The following NRK variants were observed in gnomAD, a reference collection of about 807,000 sequenced individuals.
NRK encodes the protein nik-related protein kinase.
Under a neutral mutation model 125.2 loss-of-function variants are expected in NRK, and 67 were observed. The ratio of observed to expected loss-of-function variants is 0.54; its 90% CI spans 0.44 to 0.66. The LOEUF is 0.66. Among genes scored for constraint, NRK ranks in the 30% least tolerant of loss-of-function variants. The pLI, the probability that NRK is intolerant of heterozygous loss-of-function variation, is 0.00. For missense variants in NRK, 1,224 were observed against 1,192.9 expected (o/e 1.03, Z -0.38); for synonymous variants, 458 against 429.0 (o/e 1.07, Z -0.84).
intron 2 of NRK, among the ~76,000 whole-genome samples, chrX:105,859,415 C>T (rs980278399): frequency 9.0e-6 from 1 of 111,651 alleles, no homozygotes; most frequent in East Asian, 2.8e-4. Context: ...CTGCAAGGAG[C>T]ATCAATAAAT....
At chrX:105,835,213 T>C (rs2039246955) in intron 2 of NRK, among the ~76,000 whole-genome samples, 1 of 111,605 alleles carries the variant, frequency 9.0e-6, no homozygotes, top group Non-Finnish European at 1.9e-5. Context: ...TAAACTACAT[T>C]TGAGTTATGT....
At chrX:105,861,663 T>G (rs962045740) in intron 2 of NRK, among the ~76,000 whole-genome samples, 3 of 112,395 alleles carry the variant, frequency 2.7e-5, no homozygotes, top group African/African-American at 9.7e-5. Flanking sequence ...TGTTAAAGAT[T>G]AATTGCCCAT....
chrX:105,886,846 T>G (rs1256730392), intron 4 of NRK, among the ~76,000 whole-genome samples: 2 of 110,996 alleles, frequency 1.8e-5, no homozygotes, highest in African/African-American at 6.5e-5. Context: ...CTTTAAAATG[T>G]AAAGGATTAC....
intron 21 of NRK, among the ~76,000 whole-genome samples, chrX:105,936,025 CTT>C (rs2147784378): frequency 9.1e-6 from 1 of 109,506 alleles, no homozygotes; most frequent in South Asian, 3.9e-4. Flanking sequence ...TTTTAAAATC[CTT>C]TTTTTCAGAA....
At chrX:105,839,353 A>G (rs1316440529) in intron 2 of NRK, among the ~76,000 whole-genome samples, 1 of 111,389 alleles carries the variant, frequency 9.0e-6, no homozygotes, top group Non-Finnish European at 1.9e-5. Context: ...ACATAGCACT[A>G]TGCATTTCAT....
chrX:105,920,231 C>G (rs766598664), intron 16 of NRK, among the ~76,000 whole-genome samples: 1,587 of 105,078 alleles, frequency 0.015, 38 homozygotes, highest in African/African-American at 0.054. Flanking sequence ...TCTGAGGGCT[C>G]TGTTCTGTTC....
In NRK at chrX:105,917,648, C is replaced by T. The variant is rs866832781; in HGVS notation, c.2488C>T (p.Arg830Cys). Residue 830 changes from arginine (R) to cysteine (C), a missense_variant, in exon 16 of 29, where the codon CGT becomes TGT. By Grantham distance (180) the Arg-to-Cys change is radical. Transcript: ENST00000243300. The stretch of plus-strand genomic sequence containing the variant: ...CATCAGACAAAGGAGTTCGCAAAAT[C>T]GTCAAAATTGGCTGGCAGCATCAGG... ...IDIRQRSSQN[R>C]QNWLAASESS... is the part of the protein sequence containing the mutation. 4 of 1,154,236 alleles carry T rather than the reference C, an allele frequency of 3.5e-6. No individual in the cohort carries two copies. Among genetic ancestry groups the T allele is most frequent in the African/African-American group, 1.8e-5 (1 of 55,577 alleles).
At position 105,909,700 on chromosome X, in the gene NRK, A is replaced by G. The variant is rs1054754678; in HGVS notation, c.2059A>G (p.Lys687Glu). 1.7e-6 allele frequency: 2 copies of G among 1,186,150 alleles called. No individual in the cohort carries two copies. Among genetic ancestry groups the G allele is most frequent in the Non-Finnish European group, 2.3e-6 (2 of 881,978 alleles). ...QPEQAREKKS[K>E]VSTLRQALAK... ...AGAACAGGCACGGGAGAAAAAATCAAAAGTTTCTACTCTGAGGCAAGCACT... is the reference window on the plus strand; with the variant it reads ...AGAACAGGCACGGGAGAAAAAATCAGAAGTTTCTACTCTGAGGCAAGCACT... Residue 687 changes from lysine (K) to glutamate (E), a missense_variant, in exon 13 of 29, where the codon AAA (lysine) becomes GAA (glutamate). Lys to Glu is a moderately conservative substitution (Grantham distance 56, BLOSUM62 1). Coordinates refer to ENST00000243300, the MANE Select transcript of NRK (RefSeq NM_198465.4).
rs774563061 is a variant in NRK at position 105,922,113 on chromosome X, A to G, written c.2610+52A>G. Reference sequence around the variant, plus strand: ...GTCTATTATTTTTTATTTTCCATTTATTTTGACTTACACATTCTCATATTC... The same window carrying G: ...GTCTATTATTTTTTATTTTCCATTTGTTTTGACTTACACATTCTCATATTC... On this transcript the variant is annotated intron_variant, in intron 17 of 28. Transcript: ENST00000243300. The G allele has an allele frequency of 5.8e-5, 35 of 603,637 alleles. No homozygotes were observed. In the South Asian group the frequency reaches 9.3e-4, roughly 16 times the overall value. The allele number at this position is 603,637 out of a possible 1,213,427, so 49.7% of individuals were successfully genotyped here.
At chrX:105,917,778 A>G in intron 16 of NRK, 106 bp downstream of exon 16, 4 of 433,586 alleles carry the variant, frequency 9.2e-6, no homozygotes, top group Non-Finnish European at 1.5e-5. Context: ...ATGAATCAAA[A>G]GTGTCAGGGA....
chrX:105,828,552 C>T (rs775129404), intron 1 of NRK, among the ~76,000 whole-genome samples: 11 of 111,937 alleles, frequency 9.8e-5, no homozygotes, highest in Admixed American at 1.9e-4. Flanking sequence ...GTATCTTTTC[C>T]AGCTAAAATG....
chrX:105,915,161 A>G (rs2040349698), intron 14 of NRK, among the ~76,000 whole-genome samples: 1 of 110,552 alleles, frequency 9.0e-6, no homozygotes, highest in African/African-American at 3.3e-5. Context: ...GTCAAATTGT[A>G]AAGCAGAAAA....
Position 105,906,420 on chromosome X carries a change from T to C in NRK, c.852T>C (p.Arg284=). ...TCTTTGACTCATTTTTTAGGTCCCG[T>C]AAGTTCCACAATTTCATGGAAAAGT... ...APTVKSSGWS[R]KFHNFMEKCT... Residue 284 remains arginine (R), a synonymous_variant, in exon 11 of 29, where the codon CGT becomes CGC. Coordinates refer to ENST00000243300, the MANE Select transcript of NRK (RefSeq NM_198465.4). 1 of 1,159,892 alleles carries C rather than the reference T, an allele frequency of 8.6e-7. No homozygotes were observed. The highest frequency in any genetic ancestry group is 1.2e-6 in the Non-Finnish European group (1 of 862,277).
At chrX:105,937,792 C>G (rs1228987894) in intron 22 of NRK, among the ~76,000 whole-genome samples, 1 of 111,569 alleles carries the variant, frequency 9.0e-6, no homozygotes, top group Non-Finnish European at 1.9e-5. Context: ...ACCTAGGTTA[C>G]TGATAAGAAA....
At chrX:105,919,824 T>G (rs1440532279) in intron 16 of NRK, among the ~76,000 whole-genome samples, 1 of 111,380 alleles carries the variant, frequency 9.0e-6, no homozygotes, top group Non-Finnish European at 1.9e-5. Context: ...TTGCGAAAAT[T>G]TTCTCCCATT....
intron 2 of NRK, among the ~76,000 whole-genome samples, chrX:105,835,628 CTT>C (rs111584644): frequency 2.2e-4 from 21 of 97,237 alleles, no homozygotes; most frequent in African/African-American, 2.6e-4. Flanking sequence ...AATTGGAGGA[CTT>C]TTTTTTTTTT....
chrX:105,898,573 A>AT lies in NRK; in HGVS notation c.581-6dup. On this transcript the variant is annotated splice_polypyrimidine_tract_variant and intron_variant, in intron 7 of 28. Transcript: ENST00000243300. Reference sequence around the variant, plus strand: ...TGATTGATTATTTTGACATATAATGATTTTTGGCAGTTGATTTTGGAGTGA... The same window carrying AT: ...TGATTGATTATTTTGACATATAATGATTTTTTGGCAGTTGATTTTGGAGTGA... 1 of 1,192,614 alleles carries AT rather than the reference A, an allele frequency of 8.4e-7. No individual in the cohort carries two copies. Among genetic ancestry groups the AT allele is most frequent in the South Asian group, 1.9e-5 (1 of 53,573 alleles).
chrX:105,884,833 G>T (rs906132336), intron 4 of NRK, among the ~76,000 whole-genome samples: 4 of 112,209 alleles, frequency 3.6e-5, no homozygotes, highest in African/African-American at 1.3e-4. Flanking sequence ...TTGAGACAAG[G>T]TCTCACTCTG....
At chrX:105,895,579 T>A in intron 7 of NRK, 56 bp downstream of exon 7, 9 of 770,455 alleles carry the variant, frequency 1.2e-5, no homozygotes, top group Non-Finnish European at 1.8e-5. Flanking sequence ...AGAAAGCTCC[T>A]TTAAGATAAC....
Sources: allele counts gnomAD v4.1 joint callset (sites outside exome capture counted in the v4.1 genomes callset), GRCh38; gene constraint gnomAD v4.1.1; transcripts MANE v1.5; gene names NCBI Gene and HGNC (gene_info 2026-07-23, HGNC 2026-07-21).